Variants in MYO5A observed in about 807,000 individuals in gnomAD.
The protein encoded by MYO5A is unconventional myosin-Va.
A neutral mutation model predicts 249.7 loss-of-function variants in MYO5A; 98 were observed. The observed-to-expected ratio is 0.39, with a 90% CI of 0.33 to 0.46. The LOEUF (loss-of-function observed/expected upper bound fraction) is 0.46. Among genes scored for constraint, MYO5A ranks in the 20% least tolerant of loss-of-function variants. The pLI, the probability that MYO5A is intolerant of heterozygous loss-of-function variation, is 0.98. For missense variants in MYO5A, 1,696 were observed against 2,308.8 expected (o/e 0.73, Z 5.44); for synonymous variants, 778 against 810.6 (o/e 0.96, Z 0.68).
chr15:52,392,097 C>A, intron 11 of MYO5A, 27 bp from the exon 12 acceptor site: 1 of 1,598,042 alleles, frequency 6.3e-7, no homozygotes, highest in Non-Finnish European at 8.5e-7. Flanking sequence ...AAAAAGCAGT[C>A]ATTACTGGAT....
intron 16 of MYO5A, among the ~76,000 whole-genome samples, chr15:52,380,161 C>T (rs763171310): frequency 2.6e-5 from 4 of 152,164 alleles, no homozygotes; most frequent in African/African-American, 7.2e-5. Context: ...GTGTGCTGGG[C>T]GAGGTAGCTC....
chr15:52,401,098 T>A (rs2141200810), intron 9 of MYO5A, among the ~76,000 whole-genome samples: 1 of 136,844 alleles, frequency 7.3e-6, no homozygotes, highest in East Asian at 2.2e-4. Flanking sequence ...TTTGAGACAG[T>A]CTTGCTCTAT....
chr15:52,498,588 G>C (rs550721697), intron 1 of MYO5A, among the ~76,000 whole-genome samples: 2 of 152,214 alleles, frequency 1.3e-5, no homozygotes, highest in East Asian at 3.9e-4. Context: ...ATGTTTACAG[G>C]CTAAGTTTCT....
chr15:52,525,507 G>A (rs1389586244), intron 1 of MYO5A, among the ~76,000 whole-genome samples: 1 of 152,178 alleles, frequency 6.6e-6, no homozygotes, highest in Non-Finnish European at 1.5e-5. Context: ...GTCCTTCACT[G>A]TAATAGGAAC....
intron 1 of MYO5A, among the ~76,000 whole-genome samples, chr15:52,471,076 T>TG: frequency 6.6e-6 from 1 of 151,918 alleles, no homozygotes; most frequent in Admixed American, 6.5e-5. Flanking sequence ...CAGACCTTCT[T>TG]GGGGTCCACT....
chr15:52,374,574 T>A (rs1426194184), intron 20 of MYO5A, among the ~76,000 whole-genome samples: 1 of 152,190 alleles, frequency 6.6e-6, no homozygotes, highest in Non-Finnish European at 1.5e-5. Context: ...ATTATTCTTA[T>A]AAGAGGCAGA....
chr15:52,314,265 A>C (rs1001372103), intron 40 of MYO5A, 62 bp from the exon 41 acceptor site: 2 of 1,201,794 alleles, frequency 1.7e-6, no homozygotes, highest in Non-Finnish European at 2.5e-6. Flanking sequence ...GGGTACCTAT[A>C]ATCTGGAAAA....
At chr15:52,316,641 T>C (rs2038031489) in intron 40 of MYO5A, among the ~76,000 whole-genome samples, 1 of 152,202 alleles carries the variant, frequency 6.6e-6, no homozygotes. Flanking sequence ...GTAACAAGAA[T>C]TATCTGTCTC....
intron 18 of MYO5A, among the ~76,000 whole-genome samples, chr15:52,376,886 G>A (rs2041442448): frequency 6.6e-6 from 1 of 152,182 alleles, no homozygotes; most frequent in Non-Finnish European, 1.5e-5. Context: ...TGGAGATGCT[G>A]ACTCTCTCTG....
chr15:52,448,046 T>G (rs1781444949), intron 1 of MYO5A, among the ~76,000 whole-genome samples: 1 of 152,222 alleles, frequency 6.6e-6, no homozygotes, highest in Admixed American at 6.5e-5. Flanking sequence ...AGATGGCTAC[T>G]GTCCTCCAGA....
chr15:52,455,761 T>A (rs1035347627), intron 1 of MYO5A, among the ~76,000 whole-genome samples: 2 of 86,346 alleles, frequency 2.3e-5, no homozygotes, highest in Admixed American at 1.6e-4. Context: ...AAATTCAACA[T>A]CCCTTCATGA....
At chr15:52,348,700 C>CA in intron 29 of MYO5A, 118 bp downstream of exon 29, 1 of 929,766 alleles carries the variant, frequency 1.1e-6, no homozygotes. Context: ...CTTACAAATT[C>CA]AAAATATCAA....
In MYO5A at chr15:52,319,199, C is replaced by T. The variant is rs1256208468; in HGVS notation, c.5095G>A (p.Val1699Ile). ...ILRQLNSFHS[V>I]MCQHGMDPEL... ...GGGTCCATGCCATGCTGACACATGA[C>T]CGAGTGGAAGGAGTTGAGCTGCCGG... Residue 1699 changes from valine to isoleucine, a missense_variant, in exon 39 of 42, where the codon GTC (valine) becomes ATC (isoleucine). This residue lies in a region of MYO5A where 625 missense variants were observed against 908.1 expected (regional missense o/e 0.69). Coordinates refer to ENST00000399233, the MANE Select transcript of MYO5A (RefSeq NM_001382347.1). 4.3e-6 allele frequency: 7 copies of T among 1,614,172 alleles called. No individual in the cohort carries two copies. The South Asian group carries it at 5.5e-5, about 13-fold the overall frequency.
At chr15:52,445,780 C>T (rs2075876698) in intron 1 of MYO5A, among the ~76,000 whole-genome samples, 1 of 152,142 alleles carries the variant, frequency 6.6e-6, no homozygotes, top group Admixed American at 6.5e-5. Context: ...AATGTGGCCC[C>T]CGCCCTAGGG....
intron 1 of MYO5A, among the ~76,000 whole-genome samples, chr15:52,501,250 C>G (rs2077152958): frequency 6.6e-6 from 1 of 151,966 alleles, no homozygotes. Flanking sequence ...GGATTACAGG[C>G]GTGAGCCACC....
At chr15:52,369,671 G>T (rs192010254) in intron 22 of MYO5A, among the ~76,000 whole-genome samples, 1 of 151,990 alleles carries the variant, frequency 6.6e-6, no homozygotes, top group Non-Finnish European at 1.5e-5. Flanking sequence ...TATGTCTAAT[G>T]TTCCATTATT....
chr15:52,312,131 C>A lies in MYO5A; in HGVS notation c.*1565G>T, dbSNP rs1288523095. ...CTTACAGAATCTGGGTCTTAATGAACCAAATCCTCTGTAAAATTCAACAAT... is the reference window on the plus strand; with the variant it reads ...CTTACAGAATCTGGGTCTTAATGAAACAAATCCTCTGTAAAATTCAACAAT... On this transcript the variant is annotated 3_prime_UTR_variant, in exon 42 of 42. Transcript: ENST00000399233. 6.6e-6 allele frequency: 1 copy of A among 152,070 alleles called. No individual in the cohort carries two copies. The highest frequency in any genetic ancestry group is 1.5e-5 in the Non-Finnish European group (1 of 68,016). 9.4% of individuals were successfully genotyped at this position (152,070 alleles called of 1,614,324 possible).
At chr15:52,489,824 T>C (rs2076899803) in intron 1 of MYO5A, among the ~76,000 whole-genome samples, 1 of 152,180 alleles carries the variant, frequency 6.6e-6, no homozygotes, top group African/African-American at 2.4e-5. Flanking sequence ...GACCTGTCTC[T>C]AAGTAAATTT....
chr15:52,480,905 T>A (rs1468255531), intron 1 of MYO5A, among the ~76,000 whole-genome samples: 2 of 152,188 alleles, frequency 1.3e-5, no homozygotes, highest in Admixed American at 6.5e-5. Context: ...AAGTACTTAC[T>A]GAGTACCAAC....
Sources: gnomAD v4.1 joint callset for allele counts (sites outside exome capture counted in the v4.1 genomes callset) on GRCh38, gnomAD v4.1.1 for gene constraint, gnomAD v4.1.1 regional missense constraint, MANE v1.5 for transcripts, NCBI Gene and HGNC (gene_info 2026-07-23, HGNC 2026-07-21) for gene names.